The following MASP1 variants were observed in gnomAD, a reference collection of about 807,000 sequenced individuals.
MASP1 encodes the protein MBL associated serine protease 1.
In MASP1, 59 loss-of-function variants were observed where a neutral mutation model predicts 77.1. That is an observed-to-expected ratio of 0.77 (90% CI 0.62 to 0.95). The LOEUF (loss-of-function observed/expected upper bound fraction) is 0.95. Among genes scored for constraint, MASP1 ranks in the 40% least tolerant of loss-of-function variants. The pLI, the probability that MASP1 is intolerant of heterozygous loss-of-function variation, is 0.00. For synonymous variants in MASP1, 362 were observed against 354.5 expected, an observed-to-expected ratio of 1.02 and a Z score of -0.24; for missense variants, 885 against 912.9, an observed-to-expected ratio of 0.97 and a Z score of 0.39.
intron 2 of MASP1, among the ~76,000 whole-genome samples, chr3:187,264,610 T>C (rs1276489707): frequency 2.6e-5 from 4 of 152,186 alleles, no homozygotes; most frequent in African/African-American, 4.8e-5. Flanking sequence ...CTTGGGGATA[T>C]TGAGTTGTGT....
chr3:187,234,746 G>A lies in MASP1; in HGVS notation c.*938C>T. 1 of 1,287,238 alleles carries A rather than the reference G, an allele frequency of 7.8e-7. No individual in the cohort carries two copies. The highest frequency in any genetic ancestry group is 1.0e-6 in the Non-Finnish European group (1 of 988,698). 79.7% of individuals were successfully genotyped at this position (1,287,238 alleles called of 1,614,324 possible). On this transcript the variant is annotated 3_prime_UTR_variant, in exon 11 of 11. Transcript: ENST00000296280. ...CATTTTCCTGCCCAAAAGCACAGCA[G>A]GACACAGTGTGGGTCTTTTCTTTTT...
At chr3:187,256,976 C>T (rs563538380) in intron 4 of MASP1, 116 bp from the exon 5 acceptor site, 31 of 852,484 alleles carry the variant, frequency 3.6e-5, no homozygotes, top group African/African-American at 1.8e-4. Context: ...GGGAAGGTAT[C>T]GGCATCTCCA....
At chr3:187,284,101 G>A (rs1487041822) in intron 2 of MASP1, among the ~76,000 whole-genome samples, 9 of 152,172 alleles carry the variant, frequency 5.9e-5, no homozygotes, top group South Asian at 4.2e-4. Context: ...ACCAATCCGC[G>A]TTGTCTCTTA....
At chr3:187,224,340 ATTTTTTT>A (rs1181826969) in intron 13 of MASP1, among the ~76,000 whole-genome samples, 5 of 102,056 alleles carry the variant, frequency 4.9e-5, no homozygotes, top group East Asian at 5.4e-4. Flanking sequence ...TGTGCTGAGT[ATTTTTTT>A]TTTTTTTTTT....
chr3:187,246,277 C>T (rs1438253772), intron 8 of MASP1: 7 of 551,380 alleles, frequency 1.3e-5, no homozygotes, highest in Non-Finnish European at 1.6e-5. Flanking sequence ...AAAGCTATTA[C>T]AATTATTTGG....
At chr3:187,248,899 C>T (rs552144005) in intron 8 of MASP1, among the ~76,000 whole-genome samples, 6 of 152,242 alleles carry the variant, frequency 3.9e-5, no homozygotes, top group African/African-American at 1.2e-4. Context: ...CTGGGATTTG[C>T]GTTAAGGGAA....
intron 8 of MASP1, among the ~76,000 whole-genome samples, chr3:187,247,765 C>T (rs1204362720): frequency 6.6e-6 from 1 of 152,148 alleles, no homozygotes; most frequent in African/African-American, 2.4e-5. Context: ...AACAATGACC[C>T]ATAATTCCCA....
intron 11 of MASP1, among the ~76,000 whole-genome samples, chr3:187,227,180 T>G (rs1314126291): frequency 6.6e-6 from 1 of 152,222 alleles, no homozygotes; most frequent in Non-Finnish European, 1.5e-5. Flanking sequence ...TTTCCTTAGT[T>G]AATTCTACTG....
At chr3:187,283,121 A>G (rs908794756) in intron 2 of MASP1, among the ~76,000 whole-genome samples, 1 of 152,126 alleles carries the variant, frequency 6.6e-6, no homozygotes, top group African/African-American at 2.4e-5. Context: ...GCCCAGGACC[A>G]TGCTGCCCCT....
Position 187,278,719 on chromosome 3 carries a change from C to T in MASP1, c.237+7106G>A, listed in dbSNP as rs561026952. Among the ~76,000 whole-genome samples the T allele has an allele frequency of 2.6e-4, 40 of 152,288 alleles. No individual in the cohort carries two copies. The South Asian group carries it at 6.2e-3, about 24-fold the overall frequency. On this transcript the variant is annotated intron_variant, in intron 2 of 10. Transcript: ENST00000296280. ...GATTCCTCCTTTTTCCTCTCCCATA[C>T]GCAGCCAGTTCCTGTGGAGTTTACC...
chr3:187,225,469 A>G (rs1419772715), exon 13 of MASP1: 10 of 1,614,082 alleles, frequency 6.2e-6, no homozygotes, highest in Non-Finnish European at 8.5e-6. Flanking sequence ...TGACGCCGAG[A>G]TGCTGTTCAT....
At chr3:187,221,260 T>G (rs905172213) in intron 14 of MASP1, 2 of 711,124 alleles carry the variant, frequency 2.8e-6, no homozygotes, top group Non-Finnish European at 5.1e-6. Context: ...AGACTTGATC[T>G]AAGAGACTGC....
Position 187,253,289 on chromosome 3 carries a change from C to A in MASP1, c.771G>T (p.Gly257=), listed in dbSNP as rs759759515. Reference sequence around the variant, plus strand: ...CTGGGGCTTTCTCTCCACAGAAAGGCCCCAAAACTTTTGGACCAACTTTGA... The same window carrying A: ...CTGGGGCTTTCTCTCCACAGAAAGGACCCAAAACTTTTGGACCAACTTTGA... ...IKIKVGPKVL[G]PFCGEKAPEP... The change falls in exon 6 of 11, where the codon GGG becomes GGT. Residue 257 remains glycine (G), a synonymous_variant. Transcript: ENST00000296280. 29 of 1,614,002 alleles carry A rather than the reference C, an allele frequency of 1.8e-5. No homozygotes were observed. The highest frequency in any genetic ancestry group is 2.4e-5 in the Non-Finnish European group (28 of 1,179,992).
chr3:187,273,639 C>G (rs1184624655), intron 2 of MASP1, among the ~76,000 whole-genome samples: 1 of 152,142 alleles, frequency 6.6e-6, no homozygotes, highest in Non-Finnish European at 1.5e-5. Flanking sequence ...GGTTAATGGC[C>G]CAGTCCTGCT....
chr3:187,259,901 A>T (rs1715413897), intron 4 of MASP1, among the ~76,000 whole-genome samples: 1 of 152,164 alleles, frequency 6.6e-6, no homozygotes, highest in South Asian at 2.1e-4. Flanking sequence ...GTTCCCTGAA[A>T]CATTCCAAGT....
intron 4 of MASP1, among the ~76,000 whole-genome samples, chr3:187,257,498 C>T (rs1466306832): frequency 6.6e-6 from 1 of 152,186 alleles, no homozygotes; most frequent in Non-Finnish European, 1.5e-5. Context: ...GATCCTCCCA[C>T]CTCAGCCTCC....
intron 2 of MASP1, among the ~76,000 whole-genome samples, chr3:187,274,122 C>T (rs1029187239): frequency 6.6e-6 from 1 of 151,824 alleles, no homozygotes; most frequent in African/African-American, 2.4e-5. Flanking sequence ...GCTCAAGAAT[C>T]GCTTGAACCC....
chr3:187,253,753 C>T (rs1714830584), intron 5 of MASP1, among the ~76,000 whole-genome samples: 1 of 152,098 alleles, frequency 6.6e-6, no homozygotes, highest in Non-Finnish European at 1.5e-5. Flanking sequence ...AAACCAAACA[C>T]TGCATGTTCT....
chr3:187,218,592 T>TAC (rs926507782), exon 16 of MASP1: 4 of 152,348 alleles, frequency 2.6e-5, no homozygotes, highest in Non-Finnish European at 5.9e-5. Flanking sequence ...GGGCTTAATA[T>TAC]ATATATATAT....
Sources: allele counts gnomAD v4.1 joint callset (sites outside exome capture counted in the v4.1 genomes callset), GRCh38; gene constraint gnomAD v4.1.1; transcripts MANE v1.5; gene names NCBI Gene and HGNC (gene_info 2026-07-23, HGNC 2026-07-21).